Variants in ATRNL1 observed in about 807,000 individuals in gnomAD.
The protein encoded by ATRNL1 is attractin like 1, also known as attractin-like protein 1.
ATRNL1 carries 95 observed loss-of-function variants against 182.7 expected under a neutral mutation model. That is an observed-to-expected ratio of 0.52 (90% CI 0.44 to 0.62). ATRNL1 has a LOEUF of 0.62. Ranked by LOEUF, ATRNL1 falls within the 20% of genes least tolerant of loss-of-function variation. The pLI is 0.00. For synonymous variants in ATRNL1, 576 were observed against 568.3 expected (o/e 1.01, Z -0.19); for missense variants, 1,471 against 1,679.5 (o/e 0.88, Z 2.17).
chr10:115,647,874 C>T (rs1420743081), intron 26 of ATRNL1, among the ~76,000 whole-genome samples: 3 of 152,130 alleles, frequency 2.0e-5, no homozygotes, highest in African/African-American at 7.2e-5. Context: ...CTTGCCCAGG[C>T]CTATGTCCTG....
intron 9 of ATRNL1, among the ~76,000 whole-genome samples, chr10:115,228,500 T>C (rs1191824806): frequency 5.9e-5 from 9 of 152,202 alleles, no homozygotes; most frequent in African/African-American, 1.7e-4. Context: ...GTACAACTTA[T>C]AATGGGAGCT....
chr10:115,362,990 T>C (rs1481572951), intron 19 of ATRNL1, among the ~76,000 whole-genome samples: 5 of 152,108 alleles, frequency 3.3e-5, no homozygotes, highest in Non-Finnish European at 7.4e-5. Flanking sequence ...TACGTGTGCA[T>C]GTGTCTTTAT....
At chr10:115,467,380 A>G (rs782569955) in intron 23 of ATRNL1, 128 bp downstream of exon 23, 11 of 539,308 alleles carry the variant, frequency 2.0e-5, no homozygotes, top group Non-Finnish European at 2.8e-5. Flanking sequence ...TTTTGCTGTT[A>G]CTGGTAAAAA....
chr10:115,697,606 A>C (rs1555050273), intron 26 of ATRNL1, among the ~76,000 whole-genome samples: 1 of 152,116 alleles, frequency 6.6e-6, no homozygotes, highest in African/African-American at 2.4e-5. Context: ...GATTACAGGC[A>C]TGAGCCACTG....
At chr10:115,634,965 A>T (rs1268146667) in intron 26 of ATRNL1, among the ~76,000 whole-genome samples, 1 of 152,124 alleles carries the variant, frequency 6.6e-6, no homozygotes, top group African/African-American at 2.4e-5. Context: ...ACAAAAAAAA[A>T]TTATAGTTTC....
At chr10:115,781,351 T>A (rs1467684398) in intron 27 of ATRNL1, among the ~76,000 whole-genome samples, 1 of 152,182 alleles carries the variant, frequency 6.6e-6, no homozygotes, top group Non-Finnish European at 1.5e-5. Context: ...CTCCTAGATA[T>A]AAGCCTAACA....
intron 26 of ATRNL1, among the ~76,000 whole-genome samples, chr10:115,637,177 C>T (rs1237565655): frequency 6.6e-6 from 1 of 152,190 alleles, no homozygotes; most frequent in Non-Finnish European, 1.5e-5. Context: ...CTGACCATAT[C>T]ACCGTGGACA....
rs564144158 is a variant in ATRNL1 at position 115,840,880 on chromosome 10, G to C, written c.3904-6997G>C. Among the ~76,000 whole-genome samples the C allele has an allele frequency of 5.9e-5, 9 of 152,080 alleles. No individual in the cohort carries two copies. In the South Asian group the frequency reaches 1.9e-3, roughly 32 times the overall value. On this transcript the variant is annotated intron_variant, in intron 27 of 28. Coordinates refer to ENST00000355044, the MANE Select transcript of ATRNL1 (RefSeq NM_207303.4). ...CCTAAGTCTGGGCATGAGCAAGATG[G>C]GAAGTGACTGATTTGGCAGGCACAG... is the stretch of plus-strand genomic sequence containing the variant.
At chr10:115,448,705 CA>C (rs370934991) in intron 21 of ATRNL1, among the ~76,000 whole-genome samples, 58 of 142,630 alleles carry the variant, frequency 4.1e-4, no homozygotes, top group East Asian at 1.0e-3. Context: ...AAGACGCACA[CA>C]AAAAAAAAAC....
At chr10:115,344,756 C>T (rs577521571) in intron 19 of ATRNL1, among the ~76,000 whole-genome samples, 10 of 152,278 alleles carry the variant, frequency 6.6e-5, no homozygotes, top group Admixed American at 5.2e-4. Context: ...CTGAAGCCAG[C>T]AAGTCTCAGA....
intron 26 of ATRNL1, among the ~76,000 whole-genome samples, chr10:115,706,443 G>A (rs1946900260): frequency 6.6e-6 from 1 of 151,842 alleles, no homozygotes; most frequent in Non-Finnish European, 1.5e-5. Context: ...AAGGAAACTT[G>A]CACAGATTCT....
At chr10:115,130,094 A>G (rs1298314659) in intron 5 of ATRNL1, among the ~76,000 whole-genome samples, 1 of 152,188 alleles carries the variant, frequency 6.6e-6, no homozygotes, top group Non-Finnish European at 1.5e-5. Context: ...ATCAAAGATT[A>G]AGTTTAGACT....
At chr10:115,889,525 T>C (rs1042792343) in intron 28 of ATRNL1, among the ~76,000 whole-genome samples, 5 of 152,146 alleles carry the variant, frequency 3.3e-5, no homozygotes, top group African/African-American at 1.2e-4. Context: ...TAGCTTGGCT[T>C]CCTATATGTG....
intron 19 of ATRNL1, among the ~76,000 whole-genome samples, chr10:115,358,062 A>G (rs782360135): frequency 6.6e-6 from 1 of 151,374 alleles, no homozygotes; most frequent in Non-Finnish European, 1.5e-5. Flanking sequence ...CATTGCCCTT[A>G]TTAGTTTAGG....
At position 115,590,014 on chromosome 10, in the gene ATRNL1, G is replaced by A. The variant is rs185168367; in HGVS notation, c.3795+40478G>A. Among the ~76,000 whole-genome samples, 12 of 152,248 alleles carry A rather than the reference G, an allele frequency of 7.9e-5. No individual in the cohort carries two copies. The East Asian group carries it at 1.9e-3, about 24-fold the overall frequency. On this transcript the variant is annotated intron_variant, in intron 26 of 28. Coordinates refer to ENST00000355044, the MANE Select transcript of ATRNL1 (RefSeq NM_207303.4). ...TAATATAGCAGTTTGCTTTAGCATT[G>A]TCAGATTCACAATGTAAAATATACT...
At chr10:115,614,133 C>A (rs1555019964) in intron 26 of ATRNL1, among the ~76,000 whole-genome samples, 1 of 151,952 alleles carries the variant, frequency 6.6e-6, no homozygotes, top group East Asian at 1.9e-4. Flanking sequence ...TAATTAAAAT[C>A]TTTCTACTTT....
chr10:115,694,945 A>ACG (rs1565293847), intron 26 of ATRNL1, among the ~76,000 whole-genome samples: 19 of 60,732 alleles, frequency 3.1e-4, no homozygotes, highest in African/African-American at 7.7e-4. Context: ...ACACACGCAC[A>ACG]CACACACACA....
chr10:115,242,293 A>G (rs1482052008), intron 10 of ATRNL1, among the ~76,000 whole-genome samples: 1 of 151,990 alleles, frequency 6.6e-6, no homozygotes, highest in South Asian at 2.1e-4. Context: ...CCAAAGAACT[A>G]AAAACAGTTT....
chr10:115,323,757 A>G (rs1252481635), intron 18 of ATRNL1, among the ~76,000 whole-genome samples: 1 of 134,870 alleles, frequency 7.4e-6, no homozygotes, highest in East Asian at 2.3e-4. Context: ...TATTTTTTAT[A>G]TCTTTAATTA....
Sources: gnomAD v4.1 joint callset for allele counts (sites outside exome capture counted in the v4.1 genomes callset) on GRCh38, gnomAD v4.1.1 for gene constraint, MANE v1.5 for transcripts, NCBI Gene and HGNC (gene_info 2026-07-23, HGNC 2026-07-21) for gene names.